Variants in DENND5B observed in about 807,000 individuals in gnomAD.
DENND5B encodes the protein DENN domain containing 5B.
In DENND5B, 34 loss-of-function variants were observed where a neutral mutation model predicts 140.6. That is an observed-to-expected ratio of 0.24 (90% CI 0.18 to 0.32). The LOEUF is 0.32. Ranked by LOEUF, DENND5B falls within the 10% of genes least tolerant of loss-of-function variation. The probability of loss-of-function intolerance (pLI) is 1.00; values close to 1 mark genes in which losing one functional copy is unlikely to be tolerated. For missense variants in DENND5B, 1,142 were observed against 1,560.2 expected (o/e 0.73, Z 4.52); for synonymous variants, 551 against 562.1 (o/e 0.98, Z 0.28).
At chr12:31,488,399 C>G (rs1332177006) in intron 2 of DENND5B, among the ~76,000 whole-genome samples, 1 of 152,170 alleles carries the variant, frequency 6.6e-6, no homozygotes, top group Admixed American at 6.5e-5. Context: ...AATCATAGCT[C>G]AACTGCTGTT....
At chr12:31,567,360 T>C (rs1236085841) in intron 1 of DENND5B, among the ~76,000 whole-genome samples, 1 of 151,214 alleles carries the variant, frequency 6.6e-6, no homozygotes, top group African/African-American at 2.4e-5. Context: ...TACTTGTGTG[T>C]CCTATCTTTC....
intron 1 of DENND5B, chr12:31,590,078 T>TG (rs1950557450): frequency 6.6e-6 from 1 of 152,382 alleles, no homozygotes; most frequent in African/African-American, 2.4e-5. Flanking sequence ...CAAAGGTCCC[T>TG]GCCAGCTCCC....
intron 20 of DENND5B, 32 bp downstream of exon 20, chr12:31,389,292 A>C: frequency 1.3e-6 from 2 of 1,590,606 alleles, no homozygotes; most frequent in Non-Finnish European, 1.7e-6. Context: ...ACATGTGACA[A>C]AGATAGGGAA....
At chr12:31,422,556 G>T (rs1365862940) in intron 11 of DENND5B, among the ~76,000 whole-genome samples, 2 of 152,024 alleles carry the variant, frequency 1.3e-5, no homozygotes, top group Non-Finnish European at 2.9e-5. Flanking sequence ...AGCCGAGATC[G>T]TACCACTGTA....
chr12:31,517,512 A>G (rs975753101), intron 1 of DENND5B, among the ~76,000 whole-genome samples: 2 of 152,244 alleles, frequency 1.3e-5, no homozygotes, highest in South Asian at 2.1e-4. Context: ...GCATAGAAAT[A>G]TGAACTGATA....
intron 3 of DENND5B, among the ~76,000 whole-genome samples, chr12:31,475,285 T>A (rs1000520813): frequency 2.6e-5 from 4 of 152,192 alleles, no homozygotes; most frequent in African/African-American, 4.8e-5. Flanking sequence ...ACTTTAAATT[T>A]TTTAAAAATC....
chr12:31,419,303 G>A (rs1490848617), intron 11 of DENND5B, among the ~76,000 whole-genome samples: 1 of 152,178 alleles, frequency 6.6e-6, no homozygotes, highest in East Asian at 1.9e-4. Context: ...TACAAAAATA[G>A]CCAGATGTGG....
At chr12:31,455,628 T>G (rs545874002) in intron 4 of DENND5B, among the ~76,000 whole-genome samples, 1 of 152,270 alleles carries the variant, frequency 6.6e-6, no homozygotes, top group South Asian at 2.1e-4. Flanking sequence ...TGATAAAAAT[T>G]TACTCAACAC....
chr12:31,449,720 TAC>T lies in DENND5B; in HGVS notation c.1630-1953_1630-1952del, dbSNP rs1476991635. Among the ~76,000 whole-genome samples, 8 of 127,760 alleles carry T rather than the reference TAC, an allele frequency of 6.3e-5. No individual in the cohort carries two copies. The South Asian group carries it at 1.7e-3, about 27-fold the overall frequency. The allele number at this position is 127,760 out of a possible 152,430, so 83.8% of individuals were successfully genotyped here. A position where few individuals can be genotyped will look rare whatever the true frequency, so the allele number is the denominator to read the frequency against. Reference sequence around the variant, plus strand: ...TTGTCCCAAGGATAAACCATGGATATACACAGATTAGTTTTTTTTTTTTTTTT... The same window carrying T: ...TTGTCCCAAGGATAAACCATGGATATACAGATTAGTTTTTTTTTTTTTTTT... On this transcript the variant is annotated intron_variant, in intron 5 of 20. Transcript: ENST00000389082.
At chr12:31,562,941 T>A (rs1336058694) in intron 1 of DENND5B, among the ~76,000 whole-genome samples, 5 of 142,268 alleles carry the variant, frequency 3.5e-5, no homozygotes, top group African/African-American at 5.1e-5. Flanking sequence ...TTTTTTTTTT[T>A]AACAAATTCT....
intron 1 of DENND5B, among the ~76,000 whole-genome samples, chr12:31,496,811 A>G (rs1441354064): frequency 6.6e-6 from 1 of 152,114 alleles, no homozygotes; most frequent in African/African-American, 2.4e-5. Flanking sequence ...TTCCCTTAAG[A>G]CCTATTATCC....
rs2137230310 is a variant in DENND5B, at chr12:31,387,154, G to A, written c.*449C>T. On this transcript the variant is annotated 3_prime_UTR_variant, in exon 21 of 21. Coordinates refer to ENST00000389082, the MANE Select transcript of DENND5B (RefSeq NM_144973.4). ...AAAGGATCAGACTCCAAGATGGATGGCTACTACATAACAATGCATTCTGGG... is the reference window on the plus strand; with the variant it reads ...AAAGGATCAGACTCCAAGATGGATGACTACTACATAACAATGCATTCTGGG... 1 of 153,706 alleles carries A rather than the reference G, an allele frequency of 6.5e-6. No homozygotes were observed. Among genetic ancestry groups the A allele is most frequent in the Admixed American group, 6.5e-5 (1 of 15,434 alleles). The allele number at this position is 153,706 out of a possible 1,614,324, so 9.5% of individuals were successfully genotyped here.
At position 31,383,648 on chromosome 12, in the gene DENND5B, G is replaced by A. The variant is rs1308627177; in HGVS notation, c.*3955C>T. 6.6e-6 allele frequency: 1 copy of A among 152,082 alleles called. No individual in the cohort carries two copies. The highest frequency in any genetic ancestry group is 1.5e-5 in the Non-Finnish European group (1 of 68,018). The allele number at this position is 152,082 out of a possible 1,614,324, so 9.4% of individuals were successfully genotyped here. A position where few individuals can be genotyped will look rare whatever the true frequency, so the allele number is the denominator to read the frequency against. ...AAAACAAGGTGGGGAGGGTTGGGAG[G>A]TTTTTGTCCTCAGTAGCCTGCTTTT... On this transcript the variant is annotated 3_prime_UTR_variant, in exon 21 of 21. Transcript: ENST00000389082.
chr12:31,496,249 CAGAAA>C (rs1033518654), intron 1 of DENND5B, among the ~76,000 whole-genome samples: 4 of 152,094 alleles, frequency 2.6e-5, no homozygotes, highest in Admixed American at 6.6e-5. Flanking sequence ...ACATTTACTT[CAGAAA>C]AGAAAAGTCT....
chr12:31,526,137 T>C (rs1948077042), intron 1 of DENND5B, among the ~76,000 whole-genome samples: 1 of 152,218 alleles, frequency 6.6e-6, no homozygotes, highest in Non-Finnish European at 1.5e-5. Context: ...GTTAGTTATA[T>C]ATTACCTATA....
chr12:31,587,375 C>A (rs1950428591), intron 1 of DENND5B, among the ~76,000 whole-genome samples: 1 of 152,030 alleles, frequency 6.6e-6, no homozygotes, highest in Non-Finnish European at 1.5e-5. Flanking sequence ...TCTTTGATCA[C>A]TTCTTTGAAT....
At chr12:31,554,080 T>G (rs918863525) in intron 1 of DENND5B, among the ~76,000 whole-genome samples, 70 of 152,348 alleles carry the variant, frequency 4.6e-4, no homozygotes, top group South Asian at 2.1e-4. Context: ...GTTAATATTG[T>G]TATGTGTGAA....
rs560872475 is a variant in DENND5B, at chr12:31,536,657, T to C, written c.128-40738A>G. Among the ~76,000 whole-genome samples the C allele has an allele frequency of 1.0e-4, 15 of 149,054 alleles. No homozygotes were observed. The South Asian group carries it at 2.9e-3, about 29-fold the overall frequency. On this transcript the variant is annotated intron_variant, in intron 1 of 20. Coordinates refer to ENST00000389082, the MANE Select transcript of DENND5B (RefSeq NM_144973.4). The stretch of plus-strand genomic sequence containing the variant: ...AAAGAGATAGGAATAGAAGATGTAT[T>C]TAAAAAAAAAAGTTTATTCAAAGAA...
chr12:31,499,763 A>G, intron 1 of DENND5B: 1 of 1,060,640 alleles, frequency 9.4e-7, no homozygotes, highest in Admixed American at 3.5e-5. Context: ...AATGAGAATA[A>G]TTAACCAAAA....
Sources: allele counts gnomAD v4.1 joint callset (sites outside exome capture counted in the v4.1 genomes callset), GRCh38; gene constraint gnomAD v4.1.1; transcripts MANE v1.5; gene names NCBI Gene and HGNC (gene_info 2026-07-23, HGNC 2026-07-21).